NGEF: variants seen among roughly 807,000 people sequenced by gnomAD.
The protein encoded by NGEF is ephexin-1.
NGEF carries 31 observed loss-of-function variants against 80.9 expected under a neutral mutation model. The ratio of observed to expected loss-of-function variants is 0.38; its 90% CI spans 0.29 to 0.52. The LOEUF is 0.52. Ranked by LOEUF, NGEF falls within the 20% of genes least tolerant of loss-of-function variation. The pLI is 0.84. For missense variants in NGEF, 709 were observed against 926.2 expected (o/e 0.77, Z 3.04); for synonymous variants, 371 against 370.2 (o/e 1.00, Z -0.03).
At chr2:232,957,761 A>G (rs1693860931) in intron 3 of NGEF, among the ~76,000 whole-genome samples, 1 of 152,226 alleles carries the variant, frequency 6.6e-6, no homozygotes, top group Non-Finnish European at 1.5e-5. Flanking sequence ...TCTGCCCAGG[A>G]GGGGAGGGAG....
intron 5 of NGEF, among the ~76,000 whole-genome samples, chr2:232,918,103 T>C (rs778360): frequency 0.79 from 120,260 of 152,090 alleles, 47,948 homozygotes; most frequent in African/African-American, 0.86. Flanking sequence ...GGACTACAGG[T>C]GGGCGCCACC....
rs1331242628 is a variant in NGEF, at chr2:232,959,274, C to T, written c.383+10940G>A. 6.2e-5 allele frequency among the ~76,000 whole-genome samples: 9 copies of T among 144,758 alleles called. No individual in the cohort carries two copies. In the South Asian group the frequency reaches 1.1e-3, roughly 18 times the overall value. The allele number at this position is 144,758 out of a possible 152,430, so 95.0% of individuals were successfully genotyped here. A position where few individuals can be genotyped will look rare whatever the true frequency, so the allele number is the denominator to read the frequency against. Reference sequence around the variant, plus strand: ...GTTGTTTAACCTGTTCCTCTCTCCCCGGTGTTTCCTGTAAATTCCTGGTTA... The same window carrying T: ...GTTGTTTAACCTGTTCCTCTCTCCCTGGTGTTTCCTGTAAATTCCTGGTTA... On this transcript the variant is annotated intron_variant, in intron 3 of 14. Transcript: ENST00000264051.
chr2:232,888,559 GCA>G (rs947225237), intron 8 of NGEF, among the ~76,000 whole-genome samples: 5 of 149,192 alleles, frequency 3.4e-5, no homozygotes, highest in African/African-American at 5.0e-5. Flanking sequence ...ATGCATACCT[GCA>G]CACACACACG....
intron 1 of NGEF, among the ~76,000 whole-genome samples, chr2:232,994,664 G>A (rs1476068942): frequency 6.6e-6 from 1 of 152,150 alleles, no homozygotes; most frequent in East Asian, 1.9e-4. Flanking sequence ...TTCGCTGGCT[G>A]AATGCATTGG....
chr2:232,907,569 C>A (rs544923348), intron 5 of NGEF, among the ~76,000 whole-genome samples: 1 of 152,120 alleles, frequency 6.6e-6, no homozygotes, highest in South Asian at 2.1e-4. Flanking sequence ...CTGAAGCCTG[C>A]GTGCTCACAT....
At chr2:232,999,933 A>C (rs1694934140) in intron 1 of NGEF, among the ~76,000 whole-genome samples, 1 of 152,252 alleles carries the variant, frequency 6.6e-6, no homozygotes, top group African/African-American at 2.4e-5. Context: ...TAAAAATGAC[A>C]ACACTAATAT....
intron 1 of NGEF, among the ~76,000 whole-genome samples, chr2:232,993,226 A>AAATATATATATTTATTTAATTATAT (rs1342621051): frequency 2.3e-5 from 1 of 42,878 alleles, no homozygotes; most frequent in Non-Finnish European, 4.2e-5. Flanking sequence ...ATAGATACAC[A>AAATATATATATTTATTTAATTATAT]CATATATATG....
At chr2:232,895,222 CAA>C (rs1574996124) in intron 5 of NGEF, among the ~76,000 whole-genome samples, 2 of 152,092 alleles carry the variant, frequency 1.3e-5, no homozygotes, top group Admixed American at 1.3e-4. Context: ...AAATATGAAA[CAA>C]GACAAAAACG....
chr2:233,007,477 A>C (rs1013291166), intron 1 of NGEF, among the ~76,000 whole-genome samples: 54 of 152,146 alleles, frequency 3.5e-4, no homozygotes, highest in African/African-American at 1.3e-3. Flanking sequence ...AGAGAAGAGC[A>C]GCGCAAACTG....
At chr2:233,008,880 A>C (rs1158675318) in intron 1 of NGEF, among the ~76,000 whole-genome samples, 10 of 151,074 alleles carry the variant, frequency 6.6e-5, no homozygotes, top group African/African-American at 2.4e-4. Context: ...GGCTCACTGC[A>C]ACCTCCACCT....
At chr2:232,905,875 C>A (rs1692502446) in intron 5 of NGEF, 1 of 204,032 alleles carries the variant, frequency 4.9e-6, no homozygotes, top group Non-Finnish European at 1.0e-5. Context: ...CCGGCAGCCG[C>A]CCCGTCCGGG....
At chr2:232,913,524 A>T (rs774375202) in intron 5 of NGEF, among the ~76,000 whole-genome samples, 2 of 152,154 alleles carry the variant, frequency 1.3e-5, no homozygotes, top group Non-Finnish European at 2.9e-5. Context: ...AACCTTACAG[A>T]TGTTATGTCT....
intron 14 of NGEF, among the ~76,000 whole-genome samples, chr2:232,879,880 C>T (rs1263394541): frequency 6.6e-6 from 1 of 152,228 alleles, no homozygotes; most frequent in East Asian, 1.9e-4. Flanking sequence ...TGCATGAGCA[C>T]CTGCACGGAA....
chr2:233,010,627 G>C (rs1471129741), intron 1 of NGEF, among the ~76,000 whole-genome samples: 1 of 152,068 alleles, frequency 6.6e-6, no homozygotes, highest in Non-Finnish European at 1.5e-5. Flanking sequence ...GGAAGATTGT[G>C]AGATGGCCTC....
At chr2:232,972,872 T>G (rs180699587) in intron 2 of NGEF, among the ~76,000 whole-genome samples, 39 of 149,326 alleles carry the variant, frequency 2.6e-4, no homozygotes, top group African/African-American at 8.3e-4. Context: ...TTTTCCTGCC[T>G]CAGCTTCCTG....
At position 232,927,031 on chromosome 2, in the gene NGEF, C is replaced by G. The variant is rs776761944; in HGVS notation, c.526+13G>C. On this transcript the variant is annotated intron_variant, in intron 4 of 14. Coordinates refer to ENST00000264051, the MANE Select transcript of NGEF (RefSeq NM_019850.3). ...TTTCCCAAATAAAACCCGGTTACTG[C>G]GGAGACACCCACCTATTTGTTCAAT... The G allele has an allele frequency of 2.2e-5, 36 of 1,613,848 alleles. No individual in the cohort carries two copies. The highest frequency in any genetic ancestry group is 3.0e-5 in the Non-Finnish European group (35 of 1,179,994).
Position 232,882,411 on chromosome 2 carries a change from G to A in NGEF, c.1758-146C>T, listed in dbSNP as rs1233727964. The A allele has an allele frequency of 2.5e-5, 18 of 726,832 alleles. No individual in the cohort carries two copies. In the East Asian group the frequency reaches 4.6e-4, roughly 19 times the overall value. The allele number at this position is 726,832 out of a possible 1,614,324, so 45.0% of individuals were successfully genotyped here. On this transcript the variant is annotated intron_variant, in intron 12 of 14. Transcript: ENST00000264051. ...AAGCCCACCCCAGGGACAGCTCGGG[G>A]GAGCCACAGAAACGGGCTGGTCCAG...
intron 4 of NGEF, among the ~76,000 whole-genome samples, chr2:232,923,805 G>A (rs1692999918): frequency 6.6e-6 from 1 of 152,220 alleles, no homozygotes; most frequent in South Asian, 2.1e-4. Flanking sequence ...GCAGTGGTGT[G>A]AGTGCTGGTG....
At chr2:232,946,759 A>G (rs1175814203) in intron 3 of NGEF, among the ~76,000 whole-genome samples, 1 of 152,250 alleles carries the variant, frequency 6.6e-6, no homozygotes. Context: ...GGAAGTATTC[A>G]AAGACAGCTG....
Sources: gnomAD v4.1 joint callset for allele counts (sites outside exome capture counted in the v4.1 genomes callset) on GRCh38, gnomAD v4.1.1 for gene constraint, MANE v1.5 for transcripts, NCBI Gene and HGNC (gene_info 2026-07-23, HGNC 2026-07-21) for gene names.